The following GBE1 variants were observed in gnomAD, a reference collection of about 807,000 sequenced individuals.
The protein encoded by GBE1 is 1,4-alpha-glucan branching enzyme 1.
Under a neutral mutation model 88.8 loss-of-function variants are expected in GBE1, and 70 were observed. That is an observed-to-expected ratio of 0.79 (90% CI 0.65 to 0.96). GBE1 has a LOEUF of 0.96. Ranked by LOEUF, GBE1 falls within the 40% of genes least tolerant of loss-of-function variation. The pLI is 0.00. For missense variants in GBE1, 872 were observed against 871.0 expected (o/e 1.00, Z -0.01); for synonymous variants, 284 against 300.1 (o/e 0.95, Z 0.56).
At chr3:81,510,074 T>C (rs927935835) in intron 14 of GBE1, among the ~76,000 whole-genome samples, 1 of 152,042 alleles carries the variant, frequency 6.6e-6, no homozygotes, top group African/African-American at 2.4e-5. Context: ...ACTCAAAGAC[T>C]TTCCATATCT....
At chr3:81,668,755 A>G (rs1357591154) in intron 3 of GBE1, among the ~76,000 whole-genome samples, 1 of 152,174 alleles carries the variant, frequency 6.6e-6, no homozygotes, top group East Asian at 1.9e-4. Flanking sequence ...ATTCTCCACC[A>G]AAAGAAGGAA....
At chr3:81,535,937 A>C (rs1703067992) in intron 13 of GBE1, among the ~76,000 whole-genome samples, 1 of 151,994 alleles carries the variant, frequency 6.6e-6, no homozygotes, top group Non-Finnish European at 1.5e-5. Context: ...GTTGGCTGTG[A>C]AAAGCCTTGG....
chr3:81,656,490 T>G (rs773441515), intron 3 of GBE1, among the ~76,000 whole-genome samples: 2 of 152,178 alleles, frequency 1.3e-5, no homozygotes, highest in Non-Finnish European at 2.9e-5. Context: ...TTTTAACTTC[T>G]GCACTTCAAA....
chr3:81,584,700 T>C (rs934813641), intron 10 of GBE1, among the ~76,000 whole-genome samples: 5 of 151,570 alleles, frequency 3.3e-5, no homozygotes, highest in African/African-American at 1.2e-4. Flanking sequence ...GTAAGTATGA[T>C]ACATTGCCTA....
At chr3:81,648,012 T>C (rs1704790725) in intron 5 of GBE1, among the ~76,000 whole-genome samples, 1 of 152,028 alleles carries the variant, frequency 6.6e-6, no homozygotes, top group African/African-American at 2.4e-5. Flanking sequence ...TTTAGCATAA[T>C]ATCTATTAAT....
At chr3:81,698,930 T>C (rs1705644047) in intron 2 of GBE1, among the ~76,000 whole-genome samples, 2 of 152,124 alleles carry the variant, frequency 1.3e-5, no homozygotes. Context: ...AGCAACGAAA[T>C]CAGGTTGGAA....
chr3:81,567,200 T>C (rs1056491612), intron 12 of GBE1, among the ~76,000 whole-genome samples: 2 of 152,220 alleles, frequency 1.3e-5, no homozygotes, highest in African/African-American at 4.8e-5. Context: ...TCAACATGGA[T>C]GGCCATCTCC....
rs2107207831 is a variant in GBE1 at position 81,733,993 on chromosome 3, T to C, written c.143+27382A>G. On this transcript the variant is annotated intron_variant, in intron 1 of 15. Transcript: ENST00000429644. This position sits in a 1 kb window ranked among gnomAD's most constrained non-coding sequence, Gnocchi z 4.0. Reference sequence around the variant, plus strand: ...AGTACTTATTTTCTGAAGCCATCTATTATTTTGCTAAATACAAACAAGATT... The same window carrying C: ...AGTACTTATTTTCTGAAGCCATCTACTATTTTGCTAAATACAAACAAGATT... Among the ~76,000 whole-genome samples, 1 of 152,316 alleles carries C rather than the reference T, an allele frequency of 6.6e-6. No homozygotes were observed. The highest frequency in any genetic ancestry group is 2.4e-5 in the African/African-American group (1 of 41,574).
chr3:81,588,747 A>T (rs894302654), intron 9 of GBE1, among the ~76,000 whole-genome samples: 13 of 152,090 alleles, frequency 8.5e-5, no homozygotes, highest in African/African-American at 3.1e-4. Flanking sequence ...TTTCTTACAC[A>T]TTGTTACATT....
intron 14 of GBE1, among the ~76,000 whole-genome samples, chr3:81,513,789 C>T (rs894634920): frequency 2.6e-5 from 4 of 151,624 alleles, no homozygotes; most frequent in African/African-American, 9.7e-5. Flanking sequence ...GTTAACTAAT[C>T]ATGAACTAAT....
intron 8 of GBE1, among the ~76,000 whole-genome samples, chr3:81,593,200 T>TA (rs1329542053): frequency 1.3e-5 from 2 of 151,494 alleles, no homozygotes; most frequent in Non-Finnish European, 1.5e-5. Flanking sequence ...CCGTCTCTAT[T>TA]AAAAAAATAC....
intron 7 of GBE1, among the ~76,000 whole-genome samples, chr3:81,604,267 ACTTTT>A (rs1419383281): frequency 2.0e-5 from 3 of 149,986 alleles, no homozygotes; most frequent in Non-Finnish European, 4.4e-5. Context: ...TAAAATATTA[ACTTTT>A]CTTTTCTTTC....
chr3:81,546,427 G>A (rs910032180), intron 12 of GBE1, among the ~76,000 whole-genome samples: 2 of 152,144 alleles, frequency 1.3e-5, no homozygotes, highest in African/African-American at 4.8e-5. Flanking sequence ...AGAGGGGCTG[G>A]GTAAAATAAG....
intron 7 of GBE1, among the ~76,000 whole-genome samples, chr3:81,640,718 TG>T (rs1559672886): frequency 6.6e-6 from 1 of 151,792 alleles, no homozygotes; most frequent in East Asian, 1.9e-4. Flanking sequence ...TTCTATAAAA[TG>T]GGAAAATTTA....
intron 14 of GBE1, among the ~76,000 whole-genome samples, chr3:81,501,134 T>C (rs1702581173): frequency 6.6e-6 from 1 of 152,146 alleles, no homozygotes; most frequent in African/African-American, 2.4e-5. Flanking sequence ...AAAGAAACCA[T>C]TAGACCCAAA....
chr3:81,748,740 T>C (rs1706454318), intron 1 of GBE1, among the ~76,000 whole-genome samples: 2 of 150,510 alleles, frequency 1.3e-5, no homozygotes, highest in African/African-American at 5.0e-5. Flanking sequence ...CCGGGCGCAG[T>C]GGCTCAGCCT....
At chr3:81,571,513 A>G (rs1411026791) in intron 12 of GBE1, among the ~76,000 whole-genome samples, 1 of 152,190 alleles carries the variant, frequency 6.6e-6, no homozygotes, top group East Asian at 1.9e-4. Context: ...GAGAAATGTG[A>G]ATCATTTATG....
At chr3:81,554,875 C>T (rs76106544) in intron 12 of GBE1, among the ~76,000 whole-genome samples, 148 of 152,234 alleles carry the variant, frequency 9.7e-4, no homozygotes, top group African/African-American at 3.3e-3. Flanking sequence ...AGTAGAGAGA[C>T]GTAACTACCT....
At chr3:81,644,486 T>C (rs1262823580) in intron 6 of GBE1, among the ~76,000 whole-genome samples, 1 of 152,140 alleles carries the variant, frequency 6.6e-6, no homozygotes, top group Non-Finnish European at 1.5e-5. Context: ...CCAAACAGGC[T>C]ACTCTAACTG....
Sources: allele counts gnomAD v4.1 joint callset (sites outside exome capture counted in the v4.1 genomes callset), GRCh38; gene constraint gnomAD v4.1.1; non-coding constraint Gnocchi (gnomAD v3.1); transcripts MANE v1.5; gene names NCBI Gene and HGNC (gene_info 2026-07-23, HGNC 2026-07-21).